The following FOXP2 variants were observed in gnomAD, a reference collection of about 807,000 sequenced individuals.
The protein encoded by FOXP2 is forkhead box protein P2.
FOXP2 carries 12 observed loss-of-function variants against 115.8 expected under a neutral mutation model. The observed-to-expected ratio is 0.10, with a 90% CI of 0.07 to 0.17. The LOEUF is 0.17. FOXP2 is among the 10% of genes least tolerant of loss of function. The pLI is 1.00. For synonymous variants in FOXP2, 328 were observed against 297.7 expected (o/e 1.10, Z -1.05); for missense variants, 629 against 843.5 (o/e 0.75, Z 3.15).
chr7:114,481,594 G>A (rs1023910349), intron 2 of FOXP2, among the ~76,000 whole-genome samples: 2 of 151,210 alleles, frequency 1.3e-5, no homozygotes, highest in African/African-American at 4.8e-5. Flanking sequence ...ACATTAATGT[G>A]GACTTAATCA....
At chr7:114,383,491 G>A (rs1366281862) in intron 2 of FOXP2, among the ~76,000 whole-genome samples, 5 of 151,992 alleles carry the variant, frequency 3.3e-5, no homozygotes, top group African/African-American at 7.3e-5. Flanking sequence ...CTTCCTGTAG[G>A]GCATAAACTA....
chr7:114,193,553 G>A (rs184519637), intron 1 of FOXP2, among the ~76,000 whole-genome samples: 3 of 152,052 alleles, frequency 2.0e-5, no homozygotes, highest in East Asian at 3.9e-4. Flanking sequence ...AGGGTCTAGA[G>A]TTAAATAACT....
At chr7:114,559,887 T>TA (rs375821980) in intron 3 of FOXP2, among the ~76,000 whole-genome samples, 8,389 of 144,286 alleles carry the variant, frequency 0.058, 582 homozygotes, top group African/African-American at 0.17. Context: ...AGATTCCATC[T>TA]TAAAAAAAAA....
chr7:114,475,785 G>C (rs138368395), intron 2 of FOXP2, among the ~76,000 whole-genome samples: 8 of 151,540 alleles, frequency 5.3e-5, no homozygotes, highest in Non-Finnish European at 8.8e-5. Context: ...ATGTGCACAG[G>C]TACCCCGTTT....
At chr7:114,496,673 C>G (rs1797334646) in intron 2 of FOXP2, among the ~76,000 whole-genome samples, 1 of 152,096 alleles carries the variant, frequency 6.6e-6, no homozygotes, top group Non-Finnish European at 1.5e-5. Flanking sequence ...TTCCTACCCA[C>G]AACTTCAGCA....
At chr7:114,206,512 G>A (rs1057498180) in intron 1 of FOXP2, among the ~76,000 whole-genome samples, 1 of 152,034 alleles carries the variant, frequency 6.6e-6, no homozygotes, top group Non-Finnish European at 1.5e-5. Context: ...AATCCCCATA[G>A]AGGCCTTCCA....
chr7:114,162,450 G>T (rs1792866605), upstream of FOXP2, among the ~76,000 whole-genome samples: 1 of 151,236 alleles, frequency 6.6e-6, no homozygotes, highest in South Asian at 2.1e-4. Flanking sequence ...ACTGTTTCTG[G>T]TCTGTTTCAT....
intron 11 of FOXP2, 77 bp from the exon 12 acceptor site, chr7:114,659,279 C>A: frequency 1.9e-6 from 2 of 1,059,626 alleles, no homozygotes; most frequent in Non-Finnish European, 2.9e-6. Flanking sequence ...TTTACCAATA[C>A]TAGAGGAAAT....
chr7:114,344,849 A>C (rs2129184819), intron 2 of FOXP2, among the ~76,000 whole-genome samples: 1 of 151,946 alleles, frequency 6.6e-6, no homozygotes, highest in East Asian at 1.9e-4. Context: ...AAATGATATT[A>C]AAGCATCCAA....
intron 2 of FOXP2, among the ~76,000 whole-genome samples, chr7:114,457,853 G>C (rs886517476): frequency 4.7e-5 from 7 of 149,576 alleles, no homozygotes; most frequent in Non-Finnish European, 7.4e-5. Context: ...AGCCGAGATC[G>C]TGCCACTGTA....
At chr7:114,195,976 T>C (rs926290127) in intron 1 of FOXP2, among the ~76,000 whole-genome samples, 2 of 152,110 alleles carry the variant, frequency 1.3e-5, no homozygotes, top group Non-Finnish European at 2.9e-5. Flanking sequence ...AAACTTGGTA[T>C]TTTAATTGTA....
intron 2 of FOXP2, among the ~76,000 whole-genome samples, chr7:114,357,224 C>T (rs531950917): frequency 1.4e-4 from 21 of 152,174 alleles, no homozygotes; most frequent in East Asian, 9.7e-4. Context: ...ATTTTGGGTG[C>T]TTAACCAGCA....
At chr7:114,380,193 T>C (rs756883822) in intron 2 of FOXP2, among the ~76,000 whole-genome samples, 8 of 152,200 alleles carry the variant, frequency 5.3e-5, no homozygotes, top group Non-Finnish European at 8.8e-5. Flanking sequence ...GAATAATAAT[T>C]TCCTAATGGC....
At chr7:114,381,284 AG>A (rs1429296209) in intron 2 of FOXP2, among the ~76,000 whole-genome samples, 1 of 152,182 alleles carries the variant, frequency 6.6e-6, no homozygotes, top group Non-Finnish European at 1.5e-5. Context: ...AGCAGAGCTG[AG>A]CCTTTGGTTT....
At chr7:114,596,266 T>A (rs1802700044) in intron 3 of FOXP2, among the ~76,000 whole-genome samples, 1 of 152,060 alleles carries the variant, frequency 6.6e-6, no homozygotes, top group Non-Finnish European at 1.5e-5. Context: ...GTTGTGCTTC[T>A]TGGAAATCTG....
rs35933398 is a variant in FOXP2 at position 114,495,483 on chromosome 7, C to CTT, written c.169-39105_169-39104dup. Among the ~76,000 whole-genome samples, 583 of 61,486 alleles carry CTT rather than the reference C, an allele frequency of 9.5e-3. 23 individuals carry two copies. Among genetic ancestry groups the CTT allele is most frequent in the East Asian group, 0.016 (25 of 1,564 alleles). 40.3% of individuals were successfully genotyped at this position (61,486 alleles called of 152,430 possible). A position where few individuals can be genotyped will look rare whatever the true frequency, so the allele number is the denominator to read the frequency against. ...TTCTTTGTTTTTTCTTTCTCTCTCT[C>CTT]TTTTTTTTTTTTTTTTTTTTTTTTT... is the stretch of plus-strand genomic sequence containing the variant. On this transcript the variant is annotated intron_variant, in intron 2 of 16. Transcript: ENST00000350908.
chr7:114,500,516 A>T (rs976718923), intron 2 of FOXP2, among the ~76,000 whole-genome samples: 1 of 152,132 alleles, frequency 6.6e-6, no homozygotes, highest in Non-Finnish European at 1.5e-5. Context: ...TTTATATTTT[A>T]TATGTTATCT....
chr7:114,301,755 T>C (rs1796884523), intron 2 of FOXP2, among the ~76,000 whole-genome samples: 1 of 152,156 alleles, frequency 6.6e-6, no homozygotes, highest in African/African-American at 2.4e-5. Flanking sequence ...GGAGGAATCC[T>C]CTAAGAATGT....
chr7:114,298,380 T>C (rs1796794925), intron 2 of FOXP2, among the ~76,000 whole-genome samples: 1 of 152,180 alleles, frequency 6.6e-6, no homozygotes, highest in African/African-American at 2.4e-5. Flanking sequence ...GTAGTGTATG[T>C]TCTTTGATAT....
Sources: gnomAD v4.1 joint callset for allele counts (sites outside exome capture counted in the v4.1 genomes callset) on GRCh38, gnomAD v4.1.1 for gene constraint, MANE v1.5 for transcripts, NCBI Gene and HGNC (gene_info 2026-07-23, HGNC 2026-07-21) for gene names.